The following ARAP1 variants were observed in gnomAD, a reference collection of about 807,000 sequenced individuals.
The protein encoded by ARAP1 is arf-GAP with Rho-GAP domain, ANK repeat and PH domain-containing protein 1.
A neutral mutation model predicts 172.2 loss-of-function variants in ARAP1; 76 were observed. That is an observed-to-expected ratio of 0.44 (90% CI 0.37 to 0.53). The LOEUF (loss-of-function observed/expected upper bound fraction) is 0.53, where lower values mean the gene tolerates loss of function less well. ARAP1 is among the 20% of genes least tolerant of loss of function. ARAP1 has a pLI of 0.00. For synonymous variants in ARAP1, 804 were observed against 803.3 expected (o/e 1.00, Z -0.01); for missense variants, 1,686 against 1,977.5 (o/e 0.85, Z 2.80).
chr11:72,691,676 C>T (rs1855938246), intron 30 of ARAP1, among the ~76,000 whole-genome samples: 1 of 152,158 alleles, frequency 6.6e-6, no homozygotes, highest in South Asian at 2.1e-4. Flanking sequence ...TCAGGAAATG[C>T]AAGGGGCAGG....
intron 3 of ARAP1, chr11:72,721,910 C>T (rs550933359): frequency 7.1e-6 from 7 of 985,252 alleles, no homozygotes; most frequent in Non-Finnish European, 8.4e-6. Context: ...AGGCGGGCTG[C>T]GTATGCCCAA....
chr11:72,741,197 C>T lies in ARAP1; in HGVS notation c.-127-8600G>A, dbSNP rs1198587279. Among the ~76,000 whole-genome samples the T allele has an allele frequency of 1.3e-5, 2 of 152,022 alleles. No individual in the cohort carries two copies. Among genetic ancestry groups the T allele is most frequent in the Non-Finnish European group, 2.9e-5 (2 of 68,002 alleles). ...CCACACTGCCCCCATTCAACCCAGGCCCCTCAGCTTGCCTGGACTTCTGGG... is the reference window on the plus strand; with the variant it reads ...CCACACTGCCCCCATTCAACCCAGGTCCCTCAGCTTGCCTGGACTTCTGGG... On this transcript the variant is annotated intron_variant, in intron 1 of 34. Transcript: ENST00000393609. This position sits in a 1 kb window ranked among gnomAD's most constrained non-coding sequence, Gnocchi z 4.5.
In ARAP1 at chr11:72,695,269, TACAGGTCCCAA is replaced by T; in HGVS notation, c.3576+107_3576+117del. ...GGAGCAGACCCCAGCACCAGCCAGA[TACAGGTCCCAA>T]ACTGGTCCTCTCCTCGGGGTAGAAG... On this transcript the variant is annotated intron_variant, in intron 26 of 34. Transcript: ENST00000393609. This position sits in a 1 kb window ranked among gnomAD's most constrained non-coding sequence, Gnocchi z 4.4. The T allele has an allele frequency of 6.3e-6, 9 of 1,422,886 alleles. No individual in the cohort carries two copies. Among genetic ancestry groups the T allele is most frequent in the South Asian group, 3.6e-5 (3 of 82,908 alleles). 88.1% of individuals were successfully genotyped at this position (1,422,886 alleles called of 1,614,324 possible).
At chr11:72,707,009 A>G (rs1250585418) in intron 12 of ARAP1, among the ~76,000 whole-genome samples, 166 bp downstream of exon 12, 1 of 152,144 alleles carries the variant, frequency 6.6e-6, no homozygotes, top group Non-Finnish European at 1.5e-5. Context: ...CTGCCTGGCA[A>G]TGTAAGGACT....
At chr11:72,705,950 C>A in intron 12 of ARAP1, 60 bp from the exon 13 acceptor site, 1 of 1,565,990 alleles carries the variant, frequency 6.4e-7, no homozygotes, top group Non-Finnish European at 8.8e-7. Flanking sequence ...GAGCACTTAC[C>A]CACCCCCAGT....
chr11:72,728,478 G>A (rs149938048), intron 2 of ARAP1, among the ~76,000 whole-genome samples: 27 of 152,266 alleles, frequency 1.8e-4, no homozygotes, highest in Non-Finnish European at 3.5e-4. Flanking sequence ...CTACTCAGGA[G>A]GCTGAGGCAG....
At position 72,710,311 on chromosome 11, in the gene ARAP1, G is replaced by A; in HGVS notation, c.1416+74C>T. On this transcript the variant is annotated intron_variant, in intron 10 of 34. Transcript: ENST00000393609. The surrounding 1 kb of genome is among the most constrained non-coding windows in gnomAD (Gnocchi z 4.3). ...GAAAAGAGGGAACAGAAAAGGCAGG[G>A]CTAAGGCCCTAGGTCAGCCTGGGGC... is the stretch of plus-strand genomic sequence containing the variant. The A allele has an allele frequency of 6.4e-7, 1 of 1,561,018 alleles. No homozygotes were observed. The highest frequency in any genetic ancestry group is 1.1e-5 in the South Asian group (1 of 87,364).
At chr11:72,750,752 G>A (rs758839755) in intron 1 of ARAP1, among the ~76,000 whole-genome samples, 2 of 148,728 alleles carry the variant, frequency 1.3e-5, no homozygotes, top group Non-Finnish European at 3.0e-5. Context: ...ACAAGGACTC[G>A]GGGCCCCAGG....
chr11:72,737,460 T>A (rs913917024), intron 1 of ARAP1, among the ~76,000 whole-genome samples: 1 of 152,036 alleles, frequency 6.6e-6, no homozygotes, highest in South Asian at 2.1e-4. Flanking sequence ...CATGGTAATA[T>A]CTCTACCCAC....
chr11:72,692,072 T>C lies in ARAP1; in HGVS notation c.3987+681A>G, dbSNP rs996686411. Among the ~76,000 whole-genome samples, 6 of 152,102 alleles carry C rather than the reference T, an allele frequency of 3.9e-5. No individual in the cohort carries two copies. In the East Asian group the frequency reaches 5.8e-4, roughly 15 times the overall value. On this transcript the variant is annotated intron_variant, in intron 30 of 34. Transcript: ENST00000393609. ...TGTTGCACGGCCCTGTTCCCAACAGTTGGGGACCCCTGCTGCAGGGCATCT... is the reference window on the plus strand; with the variant it reads ...TGTTGCACGGCCCTGTTCCCAACAGCTGGGGACCCCTGCTGCAGGGCATCT...
At position 72,704,301 on chromosome 11, in the gene ARAP1, G is replaced by A. The variant is rs755382407; in HGVS notation, c.1843C>T (p.Arg615Cys). 5.6e-5 allele frequency: 90 copies of A among 1,604,680 alleles called. No individual in the cohort carries two copies. Among genetic ancestry groups the A allele is most frequent in the Non-Finnish European group, 7.1e-5 (83 of 1,175,300 alleles). ...FLQLGNGAGN[R>C]FWAANVPPSE... ...GGGGGCACGTTGGCTGCCCAGAAGC[G>A]GTTCCCAGCGCCATTCCCCAGCTGT... is the stretch of plus-strand genomic sequence containing the variant. Residue 615 changes from arginine (R) to cysteine (C), a missense_variant, in exon 14 of 35, where the codon CGC becomes TGC. Transcript: ENST00000393609.
chr11:72,714,568 C>T (rs1471522608), intron 3 of ARAP1, among the ~76,000 whole-genome samples: 8 of 152,128 alleles, frequency 5.3e-5, no homozygotes, highest in South Asian at 2.1e-4. Flanking sequence ...CCCCAGTGCT[C>T]TAGCTTTTAG....
At chr11:72,713,649 C>T (rs575354691) in intron 4 of ARAP1, among the ~76,000 whole-genome samples, 5 of 152,210 alleles carry the variant, frequency 3.3e-5, no homozygotes, top group Admixed American at 2.6e-4. Flanking sequence ...AGATCGAGAC[C>T]ATCCTGGCTA....
chr11:72,697,856 G>A, intron 19 of ARAP1, 55 bp downstream of exon 19: 2 of 1,502,694 alleles, frequency 1.3e-6, no homozygotes. Context: ...CTGGGGGCCT[G>A]GGAGCCCAGG....
intron 1 of ARAP1, among the ~76,000 whole-genome samples, chr11:72,740,863 G>C (rs1358672515): frequency 6.6e-6 from 1 of 152,082 alleles, no homozygotes; most frequent in Non-Finnish European, 1.5e-5. Context: ...CCCCACCCTG[G>C]CCCTGACTCT....
At chr11:72,738,273 T>A (rs1396004078) in intron 1 of ARAP1, among the ~76,000 whole-genome samples, 3 of 152,176 alleles carry the variant, frequency 2.0e-5, no homozygotes, top group African/African-American at 7.2e-5. Context: ...TGGCCCTCCG[T>A]CACCTGCATA....
chr11:72,696,966 C>A lies in ARAP1; in HGVS notation c.3166+17G>T. ...GGGTGGAGGAGGAGGAGGCTGGGCA[C>A]GGGCTGCAGGGCCCACCTGAGGCCT... On this transcript the variant is annotated intron_variant, in intron 22 of 34. Coordinates refer to ENST00000393609, the MANE Select transcript of ARAP1 (RefSeq NM_001040118.3). 6.3e-7 allele frequency: 1 copy of A among 1,595,910 alleles called. No individual in the cohort carries two copies. Among genetic ancestry groups the A allele is most frequent in the Non-Finnish European group, 8.5e-7 (1 of 1,176,126 alleles).
At chr11:72,732,083 C>T (rs1051705189) in intron 2 of ARAP1, among the ~76,000 whole-genome samples, 4 of 152,074 alleles carry the variant, frequency 2.6e-5, no homozygotes, top group African/African-American at 9.7e-5. Context: ...GGGGAATTGA[C>T]AGCTGGGAAG....
At chr11:72,686,235 CCAGA>C (rs746752180) in intron 33 of ARAP1, 44 bp from the exon 34 acceptor site, 12 of 1,586,434 alleles carry the variant, frequency 7.6e-6, no homozygotes, top group Middle Eastern at 2.1e-4. Flanking sequence ...TTCAGTTCAC[CCAGA>C]CACTCAGCCT....
Sources: allele counts gnomAD v4.1 joint callset (sites outside exome capture counted in the v4.1 genomes callset), GRCh38; gene constraint gnomAD v4.1.1; non-coding constraint Gnocchi (gnomAD v3.1); transcripts MANE v1.5; gene names NCBI Gene and HGNC (gene_info 2026-07-23, HGNC 2026-07-21).